The following WFDC1 variants were observed in gnomAD, a reference collection of about 807,000 sequenced individuals.
WFDC1 encodes the protein WAP four-disulfide core domain 1.
Under a neutral mutation model 32.9 loss-of-function variants are expected in WFDC1, and 39 were observed. That is an observed-to-expected ratio of 1.19 (90% confidence interval 0.92 to 1.55). The LOEUF (loss-of-function observed/expected upper bound fraction) is 1.55, where lower values mean the gene tolerates loss of function less well. Ranked by LOEUF, WFDC1 falls within the 40% of genes most tolerant of loss-of-function variation. WFDC1 has a pLI of 0.00. For missense variants in WFDC1, 386 were observed against 309.5 expected (o/e 1.25, Z -1.85); for synonymous variants, 184 against 137.4 (o/e 1.34, Z -2.37).
intron 4 of WFDC1, among the ~76,000 whole-genome samples, chr16:84,322,459 G>C (rs185334692): frequency 2.8e-4 from 42 of 152,218 alleles, no homozygotes; most frequent in African/African-American, 9.9e-4. Context: ...AATAATTTCA[G>C]ACTTATAAAA....
chr16:84,326,851 C>G (rs1597698703), intron 5 of WFDC1, 31 bp from the exon 6 acceptor site: 5 of 1,613,748 alleles, frequency 3.1e-6, no homozygotes, highest in Non-Finnish European at 4.2e-6. Context: ...ATAGATACAT[C>G]TACCCCAACA....
chr16:84,319,272 C>A, intron 3 of WFDC1, 159 bp from the exon 4 acceptor site: 1 of 963,410 alleles, frequency 1.0e-6, no homozygotes, highest in Non-Finnish European at 1.5e-6. Flanking sequence ...TGAGTGAGAC[C>A]CAGGGCCTAG....
intron 1 of WFDC1, among the ~76,000 whole-genome samples, chr16:84,312,583 T>C (rs445141): frequency 0.79 from 119,372 of 152,010 alleles, 47,168 homozygotes; most frequent in East Asian, 0.98. Flanking sequence ...TATAGACATA[T>C]GTGTGTACGT....
chr16:84,319,630 A>G (rs1234698517), intron 4 of WFDC1, 59 bp downstream of exon 4: 16 of 1,585,604 alleles, frequency 1.0e-5, no homozygotes, highest in Non-Finnish European at 1.1e-5. Flanking sequence ...TCTCCCTGTA[A>G]GCGCCTCTCA....
intron 1 of WFDC1, among the ~76,000 whole-genome samples, chr16:84,304,247 G>A (rs149656868): frequency 1.7e-3 from 261 of 152,288 alleles, no homozygotes; most frequent in African/African-American, 5.5e-3. Flanking sequence ...TGAACAAAAG[G>A]TCATATAGTT....
intron 6 of WFDC1, chr16:84,328,576 G>C (rs1371531529): frequency 6.6e-6 from 1 of 152,308 alleles, no homozygotes; most frequent in African/African-American, 2.4e-5. Context: ...TGAGGACTGA[G>C]CTTCTAACAG....
intron 1 of WFDC1, among the ~76,000 whole-genome samples, chr16:84,311,449 C>T (rs139808377): frequency 0.046 from 6,639 of 143,976 alleles, 458 homozygotes; most frequent in African/African-American, 0.15. Flanking sequence ...AGGATGGTCT[C>T]GATCTCCTGA....
intron 6 of WFDC1, chr16:84,328,553 G>C (rs2151382019): frequency 6.6e-6 from 1 of 152,366 alleles, no homozygotes; most frequent in East Asian, 1.9e-4. Context: ...CCCTGGAGTA[G>C]GTCAGATGCA....
chr16:84,325,093 C>G (rs1438152508), intron 5 of WFDC1, among the ~76,000 whole-genome samples: 1 of 151,802 alleles, frequency 6.6e-6, no homozygotes, highest in Non-Finnish European at 1.5e-5. Flanking sequence ...TCCTTCATCC[C>G]TCCATCCATC....
In WFDC1 at chr16:84,297,948, T is replaced by C. The variant is rs559064529; in HGVS notation, c.144+2833T>C. On this transcript the variant is annotated intron_variant, in intron 1 of 6. Coordinates refer to ENST00000219454, the MANE Select transcript of WFDC1 (RefSeq NM_021197.4). ...GAGGCACCACTCCCTCACCCTACGC[T>C]GAGTGAGACCTTCAGCCTTGGCCCT... Among the ~76,000 whole-genome samples, 33 of 152,122 alleles carry C rather than the reference T, an allele frequency of 2.2e-4. No individual in the cohort carries two copies. In the East Asian group the frequency reaches 6.4e-3, roughly 29 times the overall value.
chr16:84,309,951 C>G (rs936607461), intron 1 of WFDC1, among the ~76,000 whole-genome samples: 4 of 152,006 alleles, frequency 2.6e-5, no homozygotes, highest in African/African-American at 9.7e-5. Context: ...CTGGAAAATG[C>G]AGAATCATCT....
At chr16:84,305,017 C>A (rs1340590749) in intron 1 of WFDC1, among the ~76,000 whole-genome samples, 2 of 152,308 alleles carry the variant, frequency 1.3e-5, no homozygotes, top group East Asian at 1.9e-4. Flanking sequence ...GACCCAGGTT[C>A]GAGTCCTGCC....
chr16:84,305,506 G>A (rs1302842912), intron 1 of WFDC1, among the ~76,000 whole-genome samples: 2 of 152,190 alleles, frequency 1.3e-5, no homozygotes, highest in Non-Finnish European at 2.9e-5. Context: ...TCTCGTACGT[G>A]TATCTGCAGC....
rs1477604685 is a variant in WFDC1, at chr16:84,294,943, C to T, written c.-29C>T. On this transcript the variant is annotated 5_prime_UTR_variant, in exon 1 of 7. Coordinates refer to ENST00000219454, the MANE Select transcript of WFDC1 (RefSeq NM_021197.4). Reference sequence around the variant, plus strand: ...GCGAGGGGGGCCCCTCTTCTGTGTGCGTCTGGAAGGTCGCTGCCCAGGGAG... The same window carrying T: ...GCGAGGGGGGCCCCTCTTCTGTGTGTGTCTGGAAGGTCGCTGCCCAGGGAG... 26 of 1,601,554 alleles carry T rather than the reference C, an allele frequency of 1.6e-5. No individual in the cohort carries two copies. Among genetic ancestry groups the T allele is most frequent in the Admixed American group, 3.4e-5 (2 of 59,048 alleles).
At chr16:84,297,633 A>C (rs889068328) in intron 1 of WFDC1, among the ~76,000 whole-genome samples, 54 of 148,246 alleles carry the variant, frequency 3.6e-4, no homozygotes, top group East Asian at 1.2e-3. Flanking sequence ...AAAAAAAAAA[A>C]AAAAAAAAAA....
rs192253643 is a variant in WFDC1 at position 84,311,102 on chromosome 16, A to G, written c.145-1859A>G. On this transcript the variant is annotated intron_variant, in intron 1 of 6. Transcript: ENST00000219454. ...CGCACCCCATTTTCATAGAAGCAGA[A>G]GAGTGTTACTGGGCCTGGATGGAGT... 2.6e-5 allele frequency among the ~76,000 whole-genome samples: 4 copies of G among 152,282 alleles called. No homozygotes were observed. In the East Asian group the frequency reaches 7.7e-4, roughly 29 times the overall value.
intron 1 of WFDC1, among the ~76,000 whole-genome samples, chr16:84,302,503 G>C (rs548038061): frequency 3.2e-4 from 49 of 152,172 alleles, no homozygotes; most frequent in African/African-American, 1.1e-3. Flanking sequence ...CTCAGCAAGT[G>C]TCCGCTCACG....
chr16:84,311,954 T>C (rs1039711126), intron 1 of WFDC1, among the ~76,000 whole-genome samples: 1 of 151,778 alleles, frequency 6.6e-6, no homozygotes, highest in Non-Finnish European at 1.5e-5. Context: ...TCACCTGAGG[T>C]AGGGAGGTCC....
chr16:84,326,991 A>T, intron 6 of WFDC1, 36 bp downstream of exon 6: 10 of 1,607,372 alleles, frequency 6.2e-6, no homozygotes, highest in Non-Finnish European at 7.7e-6. Flanking sequence ...TGGCCAGGGT[A>T]AATGTGGGCA....
Sources: allele counts gnomAD v4.1 joint callset (sites outside exome capture counted in the v4.1 genomes callset), GRCh38; gene constraint gnomAD v4.1.1; transcripts MANE v1.5; gene names NCBI Gene and HGNC (gene_info 2026-07-23, HGNC 2026-07-21).